The following ERCC3 variants were observed in gnomAD, a reference collection of about 807,000 sequenced individuals.
ERCC3 encodes ERCC excision repair 3, TFIIH core complex helicase subunit, also known as general transcription and DNA repair factor IIH helicase/translocase subunit XPB.
Under a neutral mutation model 94.2 loss-of-function variants are expected in ERCC3, and 66 were observed. The ratio of observed to expected loss-of-function variants is 0.70; its 90% CI spans 0.57 to 0.86. ERCC3 has a LOEUF of 0.86. Ranked by LOEUF, ERCC3 falls within the 40% of genes least tolerant of loss-of-function variation. The pLI is 0.00. For missense variants in ERCC3, 829 were observed against 987.1 expected (o/e 0.84, Z 2.15); for synonymous variants, 349 against 369.1 (o/e 0.95, Z 0.63).
At position 127,289,418 on chromosome 2, in the gene ERCC3, G is replaced by A. The variant is rs373495484; in HGVS notation, c.741C>T (p.Asp247=). 16 of 1,613,228 alleles carry A rather than the reference G, an allele frequency of 9.9e-6. No homozygotes were observed. The African/African-American group carries it at 1.9e-4, about 19-fold the overall frequency. ...CCATTTGCTCATAGAAGTCAAACAG[G>A]TCCATGGGGATGTCAGATTTACCCT... ...DPQGKSDIPM[D]LFDFYEQMDK... Residue 247 remains aspartate, a synonymous_variant, in exon 6 of 15, where the codon GAC becomes GAT. Transcript: ENST00000285398.
intron 8 of ERCC3, chr2:127,281,107 A>C: frequency 2.5e-6 from 1 of 407,676 alleles, no homozygotes; most frequent in Non-Finnish European, 4.3e-6. Flanking sequence ...TACAACCTGC[A>C]ATACTTACTA....
At chr2:127,268,246 G>T (rs4150502) in intron 12 of ERCC3, among the ~76,000 whole-genome samples, 1 of 151,982 alleles carries the variant, frequency 6.6e-6, no homozygotes, top group Non-Finnish European at 1.5e-5. Flanking sequence ...GAGCCACCGC[G>T]CCTGGCCTGT....
chr2:127,264,106 G>C lies in ERCC3; in HGVS notation c.1946-2760C>G, dbSNP rs1490384601. Among the ~76,000 whole-genome samples the C allele has an allele frequency of 6.6e-6, 1 of 152,184 alleles. No individual in the cohort carries two copies. The highest frequency in any genetic ancestry group is 1.5e-5 in the Non-Finnish European group (1 of 68,038). On this transcript the variant is annotated intron_variant, in intron 12 of 14. Coordinates refer to ENST00000285398, the MANE Select transcript of ERCC3 (RefSeq NM_000122.2). The surrounding 1 kb of genome is among the most constrained non-coding windows in gnomAD (Gnocchi z 4.4). The stretch of plus-strand genomic sequence containing the variant: ...TCATAGATGGCTTTTATTATTGTGA[G>C]ATATGTTCCTTCGATGCCATTTGTT...
intron 12 of ERCC3, among the ~76,000 whole-genome samples, chr2:127,265,481 C>A (rs551229401): frequency 2.6e-4 from 39 of 152,164 alleles, no homozygotes; most frequent in African/African-American, 9.2e-4. Context: ...TGCAGAGGTG[C>A]GATCTCGGCT....
chr2:127,293,832 A>T (rs1573966194), intron 1 of ERCC3, 114 bp from the exon 2 acceptor site: 1 of 1,588,088 alleles, frequency 6.3e-7, no homozygotes, highest in East Asian at 2.2e-5. Flanking sequence ...AGCCACCTGC[A>T]TCCCGCAGGC....
At chr2:127,289,231 G>A in intron 6 of ERCC3, 106 bp downstream of exon 6, 1 of 994,278 alleles carries the variant, frequency 1.0e-6, no homozygotes, top group Admixed American at 1.7e-5. Context: ...GGGACCAACA[G>A]GGACTCCTTC....
chr2:127,292,485 A>T lies in ERCC3; in HGVS notation c.471+125T>A. The T allele has an allele frequency of 3.8e-6, 3 of 789,516 alleles. No individual in the cohort carries two copies. In the South Asian group the frequency reaches 4.0e-5, roughly 11 times the overall value. 48.9% of individuals were successfully genotyped at this position (789,516 alleles called of 1,614,324 possible). A position where few individuals can be genotyped will look rare whatever the true frequency, so the allele number is the denominator to read the frequency against. Reference sequence around the variant, plus strand: ...GTAGCGGCTGGGGTAATCAGTCGTTATGCTCCCCACAGGAAATCTGAATGG... The same window carrying T: ...GTAGCGGCTGGGGTAATCAGTCGTTTTGCTCCCCACAGGAAATCTGAATGG... On this transcript the variant is annotated intron_variant, in intron 3 of 14. Coordinates refer to ENST00000285398, the MANE Select transcript of ERCC3 (RefSeq NM_000122.2).
intron 8 of ERCC3, among the ~76,000 whole-genome samples, chr2:127,282,230 G>A (rs750369710): frequency 6.6e-6 from 1 of 152,186 alleles, no homozygotes; most frequent in Non-Finnish European, 1.5e-5. Context: ...ACTTCTGAGA[G>A]GGGTCTGCCT....
intron 10 of ERCC3, among the ~76,000 whole-genome samples, chr2:127,275,851 C>T (rs1261991114): frequency 6.6e-6 from 1 of 152,136 alleles, no homozygotes; most frequent in Non-Finnish European, 1.5e-5. Context: ...AGCTAACAGA[C>T]TAGAGAAAGC....
chr2:127,262,118 T>C (rs1684207481), intron 12 of ERCC3: 1 of 152,464 alleles, frequency 6.6e-6, no homozygotes, highest in South Asian at 2.1e-4. Context: ...AAATGTGGTA[T>C]GTCCATGGAA....
At chr2:127,267,409 T>TC (rs1476780206) in intron 12 of ERCC3, among the ~76,000 whole-genome samples, 1 of 152,090 alleles carries the variant, frequency 6.6e-6, no homozygotes, top group Non-Finnish European at 1.5e-5. Context: ...GATGCAAGAA[T>TC]AGTGACCCCC....
chr2:127,258,261 A>G lies in ERCC3; in HGVS notation c.2218-534T>C, dbSNP rs1227340267. 1.9e-4 allele frequency among the ~76,000 whole-genome samples: 29 copies of G among 152,180 alleles called. No individual in the cohort carries two copies. Among genetic ancestry groups the G allele is most frequent in the Non-Finnish European group, 2.9e-5 (2 of 68,034 alleles). ...ACAGAATTTTTTAACAGTTAGGGCAAAAGTTCCTTAAAATCTCCTGAGACA... is the reference window on the plus strand; with the variant it reads ...ACAGAATTTTTTAACAGTTAGGGCAGAAGTTCCTTAAAATCTCCTGAGACA... On this transcript the variant is annotated intron_variant, in intron 14 of 14. Coordinates refer to ENST00000285398, the MANE Select transcript of ERCC3 (RefSeq NM_000122.2). This position sits in a 1 kb window ranked among gnomAD's most constrained non-coding sequence, Gnocchi z 4.1.
At chr2:127,287,639 G>GA (rs1282284846) in intron 7 of ERCC3, among the ~76,000 whole-genome samples, 1 of 151,990 alleles carries the variant, frequency 6.6e-6, no homozygotes, top group African/African-American at 2.4e-5. Flanking sequence ...GTCTCAAAAA[G>GA]AAAAAAGAAA....
intron 10 of ERCC3, among the ~76,000 whole-genome samples, chr2:127,273,575 C>A (rs1183303952): frequency 6.6e-6 from 1 of 151,710 alleles, no homozygotes; most frequent in East Asian, 1.9e-4. Flanking sequence ...CATGAAGAAA[C>A]CCCGTCTCTA....
intron 2 of ERCC3, 104 bp downstream of exon 2, chr2:127,293,409 C>A (rs1231836285): frequency 2.8e-6 from 3 of 1,075,850 alleles, no homozygotes; most frequent in Non-Finnish European, 4.1e-6. Context: ...CCGGCCAGTT[C>A]TAGGGGCAGT....
At chr2:127,273,094 ACCC>A in intron 10 of ERCC3, 133 bp from the exon 11 acceptor site, 3 of 643,348 alleles carry the variant, frequency 4.7e-6, no homozygotes, top group Admixed American at 2.4e-5. Flanking sequence ...ATATCGTTAC[ACCC>A]AAAAAAATGA....
rs954496017 is a variant in ERCC3, at chr2:127,274,730, A to C, written c.1731-1769T>G. 6.6e-6 allele frequency among the ~76,000 whole-genome samples: 1 copy of C among 152,178 alleles called. No homozygotes were observed. The highest frequency in any genetic ancestry group is 2.4e-5 in the African/African-American group (1 of 41,446). ...TCGTCAGAACAGCCTGACTCTTGAG[A>C]CCCAGGTTTTTAGGTGGTTTTCTCC... is the stretch of plus-strand genomic sequence containing the variant. On this transcript the variant is annotated intron_variant, in intron 10 of 14. Coordinates refer to ENST00000285398, the MANE Select transcript of ERCC3 (RefSeq NM_000122.2). This position sits in a 1 kb window ranked among gnomAD's most constrained non-coding sequence, Gnocchi z 4.0.
chr2:127,281,649 CACCAAA>C (rs1222005189), intron 8 of ERCC3, among the ~76,000 whole-genome samples: 1 of 152,048 alleles, frequency 6.6e-6, no homozygotes, highest in Non-Finnish European at 1.5e-5. Context: ...GGCCTGAATG[CACCAAA>C]ACACAAAGAC....
Position 127,271,300 on chromosome 2 carries a change from T to G in ERCC3, c.1945+36A>C. ...CCTAACTAAAGTGGTTTAAGAGGAGTGACCTCCTGCAACAGAAGATGAAAG... is the reference window on the plus strand; with the variant it reads ...CCTAACTAAAGTGGTTTAAGAGGAGGGACCTCCTGCAACAGAAGATGAAAG... On this transcript the variant is annotated intron_variant, in intron 12 of 14. Transcript: ENST00000285398. The surrounding 1 kb of genome is among the most constrained non-coding windows in gnomAD (Gnocchi z 5.0). The G allele has an allele frequency of 7.1e-7, 1 of 1,409,090 alleles. No individual in the cohort carries two copies. The highest frequency in any genetic ancestry group is 1.0e-6 in the Non-Finnish European group (1 of 992,640). The allele number at this position is 1,409,090 out of a possible 1,614,324, so 87.3% of individuals were successfully genotyped here. A position where few individuals can be genotyped will look rare whatever the true frequency, so the allele number is the denominator to read the frequency against.
Sources: allele counts gnomAD v4.1 joint callset (sites outside exome capture counted in the v4.1 genomes callset), GRCh38; gene constraint gnomAD v4.1.1; non-coding constraint Gnocchi (gnomAD v3.1); transcripts MANE v1.5; gene names NCBI Gene and HGNC (gene_info 2026-07-23, HGNC 2026-07-21).